Variants in KIAA1549L observed in about 807,000 individuals in gnomAD.
KIAA1549L encodes KIAA1549 like, also known as UPF0606 protein KIAA1549L.
Under a neutral mutation model 160.7 loss-of-function variants are expected in KIAA1549L, and 88 were observed. The ratio of observed to expected loss-of-function variants is 0.55; its 90% CI spans 0.46 to 0.65. The LOEUF (loss-of-function observed/expected upper bound fraction) is 0.65. Among genes scored for constraint, KIAA1549L ranks in the 30% least tolerant of loss-of-function variants. KIAA1549L has a pLI of 0.00. For synonymous variants in KIAA1549L, 950 were observed against 976.7 expected, an observed-to-expected ratio of 0.97 and a Z score of 0.51; for missense variants, 2,258 against 2,437.5, an observed-to-expected ratio of 0.93 and a Z score of 1.55.
At chr11:33,562,067 T>C (rs1025724503) in intron 8 of KIAA1549L, among the ~76,000 whole-genome samples, 2 of 152,184 alleles carry the variant, frequency 1.3e-5, no homozygotes, top group African/African-American at 4.8e-5. Flanking sequence ...GAAAGCCTTT[T>C]TGGACTGCCC....
intron 1 of KIAA1549L, among the ~76,000 whole-genome samples, chr11:33,520,420 T>G (rs1054111721): frequency 2.0e-5 from 3 of 151,744 alleles, no homozygotes; most frequent in Middle Eastern, 3.2e-3. Flanking sequence ...TCACTTAACA[T>G]AATGCCTTCT....
chr11:33,660,264 T>C (rs1852213109), intron 19 of KIAA1549L, among the ~76,000 whole-genome samples: 1 of 152,192 alleles, frequency 6.6e-6, no homozygotes, highest in African/African-American at 2.4e-5. Context: ...ACAGTGGCTC[T>C]AGAAGAGGTC....
At chr11:33,515,173 A>G (rs1373679004) in intron 1 of KIAA1549L, among the ~76,000 whole-genome samples, 1 of 152,166 alleles carries the variant, frequency 6.6e-6, no homozygotes, top group Admixed American at 6.5e-5. Flanking sequence ...GAGTACAGCT[A>G]AGTGCCTCCC....
intron 1 of KIAA1549L, among the ~76,000 whole-genome samples, chr11:33,529,387 C>T (rs1187021010): frequency 6.6e-6 from 1 of 151,920 alleles, no homozygotes; most frequent in Non-Finnish European, 1.5e-5. Flanking sequence ...AACTCAGAAA[C>T]GTCTTAATTA....
At chr11:33,664,541 G>T (rs1304961690) in intron 20 of KIAA1549L, among the ~76,000 whole-genome samples, 3 of 152,226 alleles carry the variant, frequency 2.0e-5, no homozygotes, top group African/African-American at 4.8e-5. Context: ...CAAGGTGATG[G>T]TATTAGGACA....
chr11:33,386,396 C>G (rs1473377232), intron 1 of KIAA1549L, among the ~76,000 whole-genome samples: 1 of 152,104 alleles, frequency 6.6e-6, no homozygotes, highest in Non-Finnish European at 1.5e-5. Flanking sequence ...TAAAGAAATT[C>G]CTGGCCAGAT....
intron 11 of KIAA1549L, among the ~76,000 whole-genome samples, chr11:33,584,610 C>T (rs1855751565): frequency 6.6e-6 from 1 of 152,336 alleles, no homozygotes; most frequent in Non-Finnish European, 1.5e-5. Context: ...TGCTGGGCTC[C>T]TCGAGGACTA....
At chr11:33,410,975 G>A (rs1489852217) in intron 1 of KIAA1549L, among the ~76,000 whole-genome samples, 1 of 152,128 alleles carries the variant, frequency 6.6e-6, no homozygotes, top group African/African-American at 2.4e-5. Context: ...ACTGGATTTG[G>A]CCACACAAGG....
At chr11:33,600,728 A>T (rs1238488211) in intron 13 of KIAA1549L, among the ~76,000 whole-genome samples, 1 of 152,136 alleles carries the variant, frequency 6.6e-6, no homozygotes, top group Non-Finnish European at 1.5e-5. Context: ...GGCAATACAC[A>T]TGTATCTTTG....
rs1354438006 is a variant in KIAA1549L at position 33,668,421 on chromosome 11, T to C, written c.*267T>C. The C allele has an allele frequency of 4.0e-6, 2 of 504,298 alleles. No individual in the cohort carries two copies. Among genetic ancestry groups the C allele is most frequent in the Non-Finnish European group, 7.1e-6 (2 of 280,928 alleles). 31.2% of individuals were successfully genotyped at this position (504,298 alleles called of 1,614,324 possible). ...ATGTCAAATGTTTGAACTTTGGGCA[T>C]GTGCCCTATGGAAGCTTAGTCACAA... On this transcript the variant is annotated 3_prime_UTR_variant, in exon 21 of 21. Transcript: ENST00000658780.
At chr11:33,607,760 C>T (rs79542620) in intron 14 of KIAA1549L, among the ~76,000 whole-genome samples, 114 of 152,274 alleles carry the variant, frequency 7.5e-4, no homozygotes, top group African/African-American at 2.6e-3. Context: ...ATTGTAAATA[C>T]GCAGCATCTG....
At chr11:33,620,852 G>T (rs750737084) in intron 16 of KIAA1549L, among the ~76,000 whole-genome samples, 9 of 147,794 alleles carry the variant, frequency 6.1e-5, no homozygotes, top group Non-Finnish European at 1.2e-4. Flanking sequence ...AAATAAAGTA[G>T]AAAAAAAAAA....
intron 13 of KIAA1549L, among the ~76,000 whole-genome samples, chr11:33,604,077 G>T (rs1400460116): frequency 6.6e-6 from 1 of 152,210 alleles, no homozygotes; most frequent in Non-Finnish European, 1.5e-5. Context: ...AAGCTCAGAG[G>T]TGGAAGGTTG....
chr11:33,430,812 A>G (rs1356220607), intron 1 of KIAA1549L, among the ~76,000 whole-genome samples: 3 of 152,218 alleles, frequency 2.0e-5, no homozygotes, highest in Non-Finnish European at 4.4e-5. Context: ...CCAAACATAT[A>G]GCACCGTGCT....
At position 33,482,331 on chromosome 11, in the gene KIAA1549L, C is replaced by G. The variant is rs148707940; in HGVS notation, c.239-59471C>G. Among the ~76,000 whole-genome samples the G allele has an allele frequency of 2.5e-3, 374 of 151,588 alleles. 2 individuals are homozygous for G. Among genetic ancestry groups the G allele is most frequent in the African/African-American group, 8.7e-3 (358 of 41,296 alleles). ...TACTTTTTTTTTCTTGAATAGTTATCTGCTGGAATTTCTAGAGCTAGGTTA... is the reference window on the plus strand; with the variant it reads ...TACTTTTTTTTTCTTGAATAGTTATGTGCTGGAATTTCTAGAGCTAGGTTA... On this transcript the variant is annotated intron_variant, in intron 1 of 20. Coordinates refer to ENST00000658780, the MANE Select transcript of KIAA1549L (RefSeq NM_012194.3).
At chr11:33,488,637 A>G (rs1852585186) in intron 1 of KIAA1549L, among the ~76,000 whole-genome samples, 1 of 152,208 alleles carries the variant, frequency 6.6e-6, no homozygotes, top group African/African-American at 2.4e-5. Context: ...CATAAAGGTT[A>G]ATTAACTTGC....
At chr11:33,471,540 T>A (rs1252020338) in intron 1 of KIAA1549L, among the ~76,000 whole-genome samples, 1 of 152,218 alleles carries the variant, frequency 6.6e-6, no homozygotes, top group Non-Finnish European at 1.5e-5. Context: ...TTGTTGATGC[T>A]CAGTTACTCA....
Position 33,640,425 on chromosome 11 carries a change from A to G in KIAA1549L, c.5410-5261A>G, listed in dbSNP as rs148797133. 7.2e-4 allele frequency among the ~76,000 whole-genome samples: 110 copies of G among 152,266 alleles called. 1 individual carries two copies. The highest frequency in any genetic ancestry group is 3.4e-3 in the Middle Eastern group (1 of 294). The stretch of plus-strand genomic sequence containing the variant: ...ATCTCACTATAAAATTCTGCAGTCC[A>G]CACCTCTTCTGCCTCTCATTGCCCA... On this transcript the variant is annotated intron_variant, in intron 16 of 20. Coordinates refer to ENST00000658780, the MANE Select transcript of KIAA1549L (RefSeq NM_012194.3).
intron 12 of KIAA1549L, among the ~76,000 whole-genome samples, chr11:33,594,201 A>G (rs1254592724): frequency 2.6e-5 from 4 of 152,218 alleles, no homozygotes; most frequent in African/African-American, 7.2e-5. Flanking sequence ...AGGAAGAGGA[A>G]CAGAGGGTTG....
Sources: allele counts gnomAD v4.1 joint callset (sites outside exome capture counted in the v4.1 genomes callset), GRCh38; gene constraint gnomAD v4.1.1; transcripts MANE v1.5; gene names NCBI Gene and HGNC (gene_info 2026-07-23, HGNC 2026-07-21).